Variants in GRM1 observed in about 807,000 individuals in gnomAD.
GRM1 encodes metabotropic glutamate receptor 1.
GRM1 carries 33 observed loss-of-function variants against 90.9 expected under a neutral mutation model. That is an observed-to-expected ratio of 0.36 (90% CI 0.28 to 0.49). GRM1 has a LOEUF of 0.49. Among genes scored for constraint, GRM1 ranks in the 20% least tolerant of loss-of-function variants. The probability of loss-of-function intolerance (pLI) is 0.99; values close to 1 mark genes in which losing one functional copy is unlikely to be tolerated. For synonymous variants in GRM1, 700 were observed against 613.2 expected (o/e 1.14, Z -2.09); for missense variants, 1,190 against 1,534.3 (o/e 0.78, Z 3.75).
At chr6:146,279,498 A>G (rs1782492535) in intron 2 of GRM1, among the ~76,000 whole-genome samples, 1 of 152,134 alleles carries the variant, frequency 6.6e-6, no homozygotes. Context: ...ATAAATTTGA[A>G]TAGACTGTGT....
chr6:146,034,858 A>G (rs757068365), intron 1 of GRM1, among the ~76,000 whole-genome samples: 25 of 152,158 alleles, frequency 1.6e-4, no homozygotes, highest in Non-Finnish European at 1.5e-4. Flanking sequence ...CTTTAAGTAA[A>G]GATTTACTGC....
At chr6:146,306,055 T>C (rs1783568014) in intron 3 of GRM1, among the ~76,000 whole-genome samples, 1 of 152,196 alleles carries the variant, frequency 6.6e-6, no homozygotes, top group African/African-American at 2.4e-5. Flanking sequence ...TCAATGTATG[T>C]TTGGCTTCAT....
chr6:146,222,685 TGTTA>T (rs1322973733), intron 2 of GRM1, among the ~76,000 whole-genome samples: 2 of 152,118 alleles, frequency 1.3e-5, no homozygotes, highest in Non-Finnish European at 2.9e-5. Context: ...CTGATTCAAA[TGTTA>T]GTTTAATTGA....
chr6:146,352,642 A>C, intron 4 of GRM1, 146 bp downstream of exon 4: 1 of 795,032 alleles, frequency 1.3e-6, no homozygotes, highest in Non-Finnish European at 2.2e-6. Context: ...GGATAATATC[A>C]GATGAAATTA....
intron 2 of GRM1, among the ~76,000 whole-genome samples, chr6:146,237,435 A>G (rs1046546700): frequency 7.4e-4 from 89 of 120,056 alleles, no homozygotes; most frequent in African/African-American, 2.7e-3. Flanking sequence ...TGTTTTTCAA[A>G]TATAAATTAT....
At chr6:146,357,162 T>TTAAAG (rs79245160) in intron 4 of GRM1, among the ~76,000 whole-genome samples, 30,071 of 152,000 alleles carry the variant, frequency 0.2, 3,249 homozygotes, top group Middle Eastern at 0.27. Context: ...GAAATTTGGA[T>TTAAAG]TAATCAAATA....
At chr6:146,093,807 G>A (rs1776790718) in intron 1 of GRM1, among the ~76,000 whole-genome samples, 1 of 151,986 alleles carries the variant, frequency 6.6e-6, no homozygotes, top group Admixed American at 6.6e-5. Context: ...CATGCCCTAT[G>A]AATATAATTA....
intron 2 of GRM1, among the ~76,000 whole-genome samples, chr6:146,262,249 A>G (rs1781721727): frequency 6.6e-6 from 1 of 152,098 alleles, no homozygotes; most frequent in South Asian, 2.1e-4. Context: ...AAAGGTTAAA[A>G]AAAATATTTA....
intron 3 of GRM1, among the ~76,000 whole-genome samples, chr6:146,312,846 G>C (rs1003228065): frequency 6.6e-6 from 1 of 152,172 alleles, no homozygotes; most frequent in African/African-American, 2.4e-5. Flanking sequence ...AGCTTGCTTG[G>C]TAATTCCTAC....
chr6:146,344,107 C>T (rs902650041), intron 3 of GRM1, among the ~76,000 whole-genome samples: 26 of 152,162 alleles, frequency 1.7e-4, no homozygotes, highest in Non-Finnish European at 3.4e-4. Flanking sequence ...AACCCTTTCC[C>T]TGTACCACAT....
intron 6 of GRM1, 119 bp from the exon 7 acceptor site, chr6:146,398,650 A>G (rs1777051663): frequency 5.0e-6 from 4 of 803,682 alleles, no homozygotes; most frequent in Non-Finnish European, 9.0e-6. Context: ...TTAAAAAAGC[A>G]TTAAATGCTG....
At chr6:146,404,910 A>C (rs1777288621) in intron 7 of GRM1, among the ~76,000 whole-genome samples, 1 of 152,216 alleles carries the variant, frequency 6.6e-6, no homozygotes, top group Non-Finnish European at 1.5e-5. Context: ...ACAGGTAAAA[A>C]TAAAAGCCTT....
intron 1 of GRM1, among the ~76,000 whole-genome samples, chr6:146,087,820 A>G (rs1776595603): frequency 6.6e-6 from 1 of 152,138 alleles, no homozygotes; most frequent in South Asian, 2.1e-4. Context: ...ATGGATTTAC[A>G]GTTTGTCTTA....
At chr6:146,074,964 C>A (rs1345155344) in intron 1 of GRM1, among the ~76,000 whole-genome samples, 3 of 152,256 alleles carry the variant, frequency 2.0e-5, no homozygotes, top group South Asian at 4.1e-4. Flanking sequence ...ATAGAAATTA[C>A]AATTTGCTTT....
chr6:146,230,333 C>T (rs1343765141), intron 2 of GRM1, among the ~76,000 whole-genome samples: 1 of 152,032 alleles, frequency 6.6e-6, no homozygotes, highest in Non-Finnish European at 1.5e-5. Flanking sequence ...ACAAATAACC[C>T]AATTAAAATA....
At chr6:146,269,984 A>G (rs1245080154) in intron 2 of GRM1, among the ~76,000 whole-genome samples, 2 of 152,040 alleles carry the variant, frequency 1.3e-5, no homozygotes, top group East Asian at 3.9e-4. Flanking sequence ...AAAAACAAGA[A>G]ATGGGGGGAT....
Position 146,029,309 on chromosome 6 carries a change from T to A in GRM1, c.-209T>A. 1 of 603,248 alleles carries A rather than the reference T, an allele frequency of 1.7e-6. No individual in the cohort carries two copies. The highest frequency in any genetic ancestry group is 3.0e-6 in the Non-Finnish European group (1 of 338,932). 37.4% of individuals were successfully genotyped at this position (603,248 alleles called of 1,614,324 possible). On this transcript the variant is annotated 5_prime_UTR_variant, in exon 1 of 8. Transcript: ENST00000282753. The stretch of plus-strand genomic sequence containing the variant: ...AATTCCCTTACAAACGCCTCCAGCT[T>A]GTAGAGGCGGTCGTGGAGGACCCAG...
chr6:146,326,398 A>G (rs925607964), intron 3 of GRM1, among the ~76,000 whole-genome samples: 1 of 152,178 alleles, frequency 6.6e-6, no homozygotes, highest in Non-Finnish European at 1.5e-5. Flanking sequence ...ATGAGAACAC[A>G]TGGACACATC....
chr6:146,075,096 C>A (rs780508772), intron 1 of GRM1, among the ~76,000 whole-genome samples: 12 of 152,100 alleles, frequency 7.9e-5, no homozygotes, highest in Non-Finnish European at 1.8e-4. Context: ...GATCTCAGTG[C>A]TCTGTTGCTT....
Sources: gnomAD v4.1 joint callset for allele counts (sites outside exome capture counted in the v4.1 genomes callset) on GRCh38, gnomAD v4.1.1 for gene constraint, MANE v1.5 for transcripts, NCBI Gene and HGNC (gene_info 2026-07-23, HGNC 2026-07-21) for gene names.